Variants in COL25A1 observed in about 807,000 individuals in gnomAD.
The protein encoded by COL25A1 is collagen alpha-1(XXV) chain.
COL25A1 carries 103 observed loss-of-function variants against 128.4 expected under a neutral mutation model. That is an observed-to-expected ratio of 0.80 (90% CI 0.68 to 0.94). The LOEUF is 0.94. COL25A1 is among the 40% of genes least tolerant of loss of function. The probability of loss-of-function intolerance (pLI) is 0.00; values close to 1 mark genes in which losing one functional copy is unlikely to be tolerated. For synonymous variants in COL25A1, 279 were observed against 277.2 expected, an observed-to-expected ratio of 1.01 and a Z score of -0.06; for missense variants, 745 against 840.0, an observed-to-expected ratio of 0.89 and a Z score of 1.40.
rs192276678 is a variant in COL25A1, at chr4:109,192,956, A to G, written c.367+107627T>C. Among the ~76,000 whole-genome samples, 117 of 152,268 alleles carry G rather than the reference A, an allele frequency of 7.7e-4. 1 individual carries two copies. Among genetic ancestry groups the G allele is most frequent in the Non-Finnish European group, 1.4e-3 (93 of 68,016 alleles). ...AGCATGGCCATCCGCAAGCCAACGAAAAAGATATCAGAAGAAACCAACCCT... is the reference window on the plus strand; with the variant it reads ...AGCATGGCCATCCGCAAGCCAACGAGAAAGATATCAGAAGAAACCAACCCT... On this transcript the variant is annotated intron_variant, in intron 3 of 37. Transcript: ENST00000399132.
chr4:109,051,285 G>C (rs1176225222), intron 3 of COL25A1, among the ~76,000 whole-genome samples: 1 of 152,112 alleles, frequency 6.6e-6, no homozygotes, highest in African/African-American at 2.4e-5. Context: ...ACTATCATGA[G>C]AAACAAAAAC....
In COL25A1 at chr4:108,831,390, A is replaced by G. The variant is rs78350716; in HGVS notation, c.1710+990T>C. ...TCCTGAATGAATGAGATCACTCTACAGAACACAGAATTATGGAATTGGAAG... is the reference window on the plus strand; with the variant it reads ...TCCTGAATGAATGAGATCACTCTACGGAACACAGAATTATGGAATTGGAAG... On this transcript the variant is annotated intron_variant, in intron 32 of 37. Transcript: ENST00000399132. Among the ~76,000 whole-genome samples the G allele has an allele frequency of 6.9e-3, 1,048 of 152,234 alleles. 9 individuals carry two copies. The highest frequency in any genetic ancestry group is 0.024 in the African/African-American group (1,003 of 41,528).
At chr4:108,989,939 G>A (rs1291287486) in intron 6 of COL25A1, among the ~76,000 whole-genome samples, 2 of 152,058 alleles carry the variant, frequency 1.3e-5, no homozygotes, top group African/African-American at 2.4e-5. Context: ...TACGCCGGGC[G>A]CAGTGGCTTA....
At chr4:108,941,661 G>T (rs1748110288) in intron 8 of COL25A1, among the ~76,000 whole-genome samples, 1 of 152,158 alleles carries the variant, frequency 6.6e-6, no homozygotes, top group South Asian at 2.1e-4. Flanking sequence ...CAGTAGTAAT[G>T]AATATTTTTT....
chr4:109,069,246 C>T (rs1177836317), intron 3 of COL25A1, among the ~76,000 whole-genome samples: 1 of 149,556 alleles, frequency 6.7e-6, no homozygotes, highest in Non-Finnish European at 1.5e-5. Flanking sequence ...GGATCTCATT[C>T]TGTCACCCAA....
At chr4:109,049,043 A>G (rs976983013) in intron 4 of COL25A1, among the ~76,000 whole-genome samples, 13 of 152,290 alleles carry the variant, frequency 8.5e-5, no homozygotes, top group African/African-American at 3.1e-4. Flanking sequence ...AAAAAAAATA[A>G]GCAACTACAC....
chr4:109,076,968 G>T (rs963500945), intron 3 of COL25A1, among the ~76,000 whole-genome samples: 2 of 152,148 alleles, frequency 1.3e-5, no homozygotes, highest in Admixed American at 1.3e-4. Flanking sequence ...TTGCCTGCCT[G>T]CTGCTCACCT....
At chr4:109,169,652 T>C (rs1372870975) in intron 3 of COL25A1, among the ~76,000 whole-genome samples, 4 of 152,202 alleles carry the variant, frequency 2.6e-5, no homozygotes, top group African/African-American at 9.6e-5. Context: ...GACAAAATAG[T>C]CCAAATGAAT....
intron 5 of COL25A1, among the ~76,000 whole-genome samples, chr4:109,010,694 G>C (rs998509818): frequency 2.0e-5 from 3 of 152,222 alleles, no homozygotes; most frequent in African/African-American, 7.2e-5. Flanking sequence ...GTGATGAAGG[G>C]GTTACTTAAA....
chr4:109,169,889 G>A (rs1398760720), intron 3 of COL25A1, among the ~76,000 whole-genome samples: 3 of 152,010 alleles, frequency 2.0e-5, no homozygotes, highest in African/African-American at 7.2e-5. Context: ...AGCCACAAGA[G>A]TTACACAATT....
At chr4:108,830,388 G>A (rs931338648) in intron 32 of COL25A1, among the ~76,000 whole-genome samples, 2 of 152,080 alleles carry the variant, frequency 1.3e-5, no homozygotes, top group African/African-American at 2.4e-5. Flanking sequence ...AATTTCATTC[G>A]GGTTCTTTAA....
At chr4:108,997,532 T>A (rs1357875125) in intron 6 of COL25A1, among the ~76,000 whole-genome samples, 4 of 152,204 alleles carry the variant, frequency 2.6e-5, no homozygotes, top group Non-Finnish European at 4.4e-5. Context: ...CACAGCCGAA[T>A]TCTACCAGAG....
intron 14 of COL25A1, among the ~76,000 whole-genome samples, chr4:108,900,729 A>C (rs1742733841): frequency 6.6e-6 from 1 of 152,114 alleles, no homozygotes; most frequent in African/African-American, 2.4e-5. Context: ...CTTGGGGAAA[A>C]GCCATAGTGA....
intron 5 of COL25A1, among the ~76,000 whole-genome samples, chr4:109,047,064 A>AGGGC (rs1251372519): frequency 1.3e-5 from 2 of 152,192 alleles, no homozygotes; most frequent in African/African-American, 4.8e-5. Context: ...AAACTCTCCA[A>AGGGC]GGGCTCCATC....
intron 3 of COL25A1, among the ~76,000 whole-genome samples, chr4:109,224,157 A>G (rs987075247): frequency 6.6e-6 from 1 of 152,224 alleles, no homozygotes; most frequent in Admixed American, 6.5e-5. Context: ...GACTTGTGAT[A>G]ACAGTGATAA....
chr4:108,937,774 C>G (rs1420378876), intron 11 of COL25A1, 34 bp downstream of exon 11: 1 of 1,564,396 alleles, frequency 6.4e-7, no homozygotes. Flanking sequence ...AACAACCAGG[C>G]TTAGTATAGA....
chr4:108,828,181 C>T (rs1317074179), intron 32 of COL25A1, among the ~76,000 whole-genome samples: 1 of 152,134 alleles, frequency 6.6e-6, no homozygotes, highest in African/African-American at 2.4e-5. Flanking sequence ...TGCTCTGTTG[C>T]CCGGGCTAGA....
chr4:109,209,338 A>G (rs1261298184), intron 3 of COL25A1, among the ~76,000 whole-genome samples: 1 of 152,176 alleles, frequency 6.6e-6, no homozygotes, highest in Admixed American at 6.6e-5. Flanking sequence ...ATGCCAGAAA[A>G]AAAAAATGAG....
Position 109,302,044 on chromosome 4 carries a change from T to C in COL25A1, c.-25A>G. The C allele has an allele frequency of 6.4e-7, 1 of 1,561,412 alleles. No individual in the cohort carries two copies. The highest frequency in any genetic ancestry group is 8.6e-7 in the Non-Finnish European group (1 of 1,159,920). ...TCGTGGCGGGGTCGGCCGTCTCGGC[T>C]TCGCTTCCCACCCTCTACACCTCAA... On this transcript the variant is annotated 5_prime_UTR_variant, in exon 2 of 38. Transcript: ENST00000399132.
Sources: gnomAD v4.1 joint callset for allele counts (sites outside exome capture counted in the v4.1 genomes callset) on GRCh38, gnomAD v4.1.1 for gene constraint, MANE v1.5 for transcripts, NCBI Gene and HGNC (gene_info 2026-07-23, HGNC 2026-07-21) for gene names.